Variants in SHROOM3 observed in about 807,000 individuals in gnomAD.
The protein encoded by SHROOM3 is shroom family member 3.
A neutral mutation model predicts 138.6 loss-of-function variants in SHROOM3; 47 were observed. The ratio of observed to expected loss-of-function variants is 0.34; its 90% CI spans 0.27 to 0.43. The LOEUF (loss-of-function observed/expected upper bound fraction) is 0.43. Ranked by LOEUF, SHROOM3 falls within the 20% of genes least tolerant of loss-of-function variation. The pLI, the probability that SHROOM3 is intolerant of heterozygous loss-of-function variation, is 1.00. For missense variants in SHROOM3, 2,491 were observed against 2,596.5 expected (o/e 0.96, Z 0.88); for synonymous variants, 1,062 against 1,063.3 (o/e 1.00, Z 0.02).
chr4:76,744,471 A>C (rs1275753542), intron 5 of SHROOM3, among the ~76,000 whole-genome samples: 1 of 152,204 alleles, frequency 6.6e-6, no homozygotes, highest in East Asian at 1.9e-4. Flanking sequence ...GAAGCATCTC[A>C]TGGCAAGGCG....
intron 9 of SHROOM3, among the ~76,000 whole-genome samples, chr4:76,764,727 T>C (rs768112636): frequency 1.3e-5 from 2 of 152,238 alleles, no homozygotes; most frequent in East Asian, 1.9e-4. Flanking sequence ...CCTTTAAATA[T>C]TGGCTCCTCC....
At chr4:76,581,798 A>G (rs1344971864) in intron 2 of SHROOM3, among the ~76,000 whole-genome samples, 1 of 152,184 alleles carries the variant, frequency 6.6e-6, no homozygotes, top group Non-Finnish European at 1.5e-5. Flanking sequence ...CCTGAAACCT[A>G]TATGTGGGAA....
At chr4:76,440,780 A>G (rs1730652681) in intron 1 of SHROOM3, among the ~76,000 whole-genome samples, 2 of 152,124 alleles carry the variant, frequency 1.3e-5, no homozygotes, top group African/African-American at 4.8e-5. Flanking sequence ...CAGTGCTTAT[A>G]TTTCTGATTT....
At chr4:76,726,793 AC>A (rs1285151646) in intron 3 of SHROOM3, among the ~76,000 whole-genome samples, 1 of 152,036 alleles carries the variant, frequency 6.6e-6, no homozygotes, top group Admixed American at 6.6e-5. Flanking sequence ...CCTATCTGGA[AC>A]CCCTGAAGTT....
rs377681016 is a variant in SHROOM3 at position 76,741,350 on chromosome 4, T to A, written c.3177T>A (p.Arg1059=). Residue 1059 remains arginine, a synonymous_variant, in exon 5 of 11, where the codon CGT becomes CGA. Coordinates refer to ENST00000296043, the MANE Select transcript of SHROOM3 (RefSeq NM_020859.4). This position sits in a 1 kb window ranked among gnomAD's most constrained non-coding sequence, Gnocchi z 6.2. ...AGAGCAGCGTGGCCGACCGGCGCCG[T>A]CTCTTCGAGCGCGATGGCAAGGCCT... ...FPESSVADRR[R]LFERDGKACS... is the part of the protein sequence containing the mutation. 1.2e-6 allele frequency: 2 copies of A among 1,609,504 alleles called. No homozygotes were observed. The highest frequency in any genetic ancestry group is 1.7e-6 in the Non-Finnish European group (2 of 1,178,718).
chr4:76,774,757 G>A (rs763060490), intron 10 of SHROOM3, among the ~76,000 whole-genome samples: 1 of 149,292 alleles, frequency 6.7e-6, no homozygotes, highest in Non-Finnish European at 1.5e-5. Context: ...TCTGCTTAGG[G>A]AAAGGAAACT....
At position 76,782,439 on chromosome 4, in the gene SHROOM3, A is replaced by T. The variant is rs1158968531; in HGVS notation, c.*3262A>T. The T allele has an allele frequency of 6.6e-6, 1 of 152,220 alleles. No homozygotes were observed. The highest frequency in any genetic ancestry group is 2.4e-5 in the African/African-American group (1 of 41,472). The allele number at this position is 152,220 out of a possible 1,614,324, so 9.4% of individuals were successfully genotyped here. A position where few individuals can be genotyped will look rare whatever the true frequency, so the allele number is the denominator to read the frequency against. On this transcript the variant is annotated 3_prime_UTR_variant, in exon 11 of 11. Transcript: ENST00000296043. The stretch of plus-strand genomic sequence containing the variant: ...GACATCCCAGTTTTCCTATTCCTCC[A>T]CTGTTAATATCTCATCTAAAATAAT...
intron 1 of SHROOM3, among the ~76,000 whole-genome samples, chr4:76,489,742 G>A (rs1731810358): frequency 6.6e-6 from 1 of 152,088 alleles, no homozygotes; most frequent in African/African-American, 2.4e-5. Flanking sequence ...TTTGTCAATA[G>A]AAAAAGACAA....
chr4:76,598,604 G>A (rs1387969781), intron 2 of SHROOM3, among the ~76,000 whole-genome samples: 3 of 152,200 alleles, frequency 2.0e-5, no homozygotes, highest in Non-Finnish European at 4.4e-5. Flanking sequence ...AGGTGGCCAG[G>A]AAGTGGGGAG....
rs747329567 is a variant in SHROOM3, at chr4:76,770,699, T to C, written c.5423T>C (p.Ile1808Thr). 2 of 1,614,008 alleles carry C rather than the reference T, an allele frequency of 1.2e-6. No individual in the cohort carries two copies. The highest frequency in any genetic ancestry group is 1.7e-6 in the Non-Finnish European group (2 of 1,180,040). Reference protein sequence around the residue: ...QEAKGSLLTDIKLNNALGEEV... With the variant: ...QEAKGSLLTDTKLNNALGEEV... ...GCGAAGGGGAGCCTGCTCACGGACA[T>C]CAAGCTCAACAACGCCCTGGGAGAA... The change falls in exon 10 of 11, where the codon ATC becomes ACC. Residue 1808 changes from isoleucine (I) to threonine (T), a missense_variant. Ile to Thr is a moderately conservative substitution (Grantham distance 89, BLOSUM62 -1). Transcript: ENST00000296043.
chr4:76,753,023 A>AT (rs1721681999), intron 6 of SHROOM3, among the ~76,000 whole-genome samples: 1 of 152,148 alleles, frequency 6.6e-6, no homozygotes, highest in African/African-American at 2.4e-5. Context: ...TTCAACAGAC[A>AT]TTTGCTGAGG....
chr4:76,530,740 C>T (rs1018370797), intron 1 of SHROOM3, among the ~76,000 whole-genome samples: 1 of 152,166 alleles, frequency 6.6e-6, no homozygotes, highest in Non-Finnish European at 1.5e-5. Flanking sequence ...CCTGTACAAG[C>T]TTCCATAAAT....
rs894904205 is a variant in SHROOM3, at chr4:76,705,857, A to T, written c.324-4299A>T. ...GTTAACTTGTGAGTTAAAAGGATATAGGAGGGAAGAAAGGCTGCAGATCTG... is the reference window on the plus strand; with the variant it reads ...GTTAACTTGTGAGTTAAAAGGATATTGGAGGGAAGAAAGGCTGCAGATCTG... On this transcript the variant is annotated intron_variant, in intron 2 of 10. Transcript: ENST00000296043. 6.6e-5 allele frequency among the ~76,000 whole-genome samples: 10 copies of T among 152,198 alleles called. 1 individual carries two copies. Among genetic ancestry groups the T allele is most frequent in the Admixed American group, 2.0e-4 (3 of 15,284 alleles).
At chr4:76,662,124 C>T (rs2110093623) in intron 2 of SHROOM3, among the ~76,000 whole-genome samples, 2 of 152,312 alleles carry the variant, frequency 1.3e-5, no homozygotes, top group Middle Eastern at 6.8e-3. Flanking sequence ...TCATTGGGTT[C>T]TCTACCTAAG....
rs1166896258 is a variant in SHROOM3, at chr4:76,565,160, CAAAA to C, written c.323+9416_323+9419del. On this transcript the variant is annotated intron_variant, in intron 2 of 10. Transcript: ENST00000296043. ...TGGGTGACAGGGCGAGACTCCATTTCAAAAAAAAAAAAAAAAAAAAAAGAATGGC... is the reference window on the plus strand; with the variant it reads ...TGGGTGACAGGGCGAGACTCCATTTCAAAAAAAAAAAAAAAAAAGAATGGC... Among the ~76,000 whole-genome samples the C allele has an allele frequency of 9.7e-3, 1,317 of 135,946 alleles. 26 individuals are homozygous for C. Among genetic ancestry groups the C allele is most frequent in the Non-Finnish European group, 0.014 (926 of 63,942 alleles). The allele number at this position is 135,946 out of a possible 152,430, so 89.2% of individuals were successfully genotyped here. A position where few individuals can be genotyped will look rare whatever the true frequency, so the allele number is the denominator to read the frequency against.
At chr4:76,578,159 A>G (rs895639458) in intron 2 of SHROOM3, among the ~76,000 whole-genome samples, 3 of 152,216 alleles carry the variant, frequency 2.0e-5, no homozygotes, top group Non-Finnish European at 4.4e-5. Context: ...TGGGGAGGCT[A>G]TGGAGTGCAA....
chr4:76,446,646 T>C (rs1191771725), intron 1 of SHROOM3, among the ~76,000 whole-genome samples: 2 of 152,138 alleles, frequency 1.3e-5, no homozygotes, highest in Admixed American at 1.3e-4. Context: ...GGTTTAAAGC[T>C]AACAGGGACT....
intron 2 of SHROOM3, among the ~76,000 whole-genome samples, chr4:76,707,600 G>A (rs747573764): frequency 7.2e-5 from 11 of 151,998 alleles, no homozygotes; most frequent in Admixed American, 2.0e-4. Flanking sequence ...ACTTGAGGTG[G>A]GTAAGAAAAT....
intron 2 of SHROOM3, among the ~76,000 whole-genome samples, chr4:76,596,829 C>T (rs944030644): frequency 6.6e-6 from 1 of 152,236 alleles, no homozygotes; most frequent in African/African-American, 2.4e-5. Flanking sequence ...CTGTCCCCTA[C>T]ATCTACTAGT....
Sources: allele counts gnomAD v4.1 joint callset (sites outside exome capture counted in the v4.1 genomes callset), GRCh38; gene constraint gnomAD v4.1.1; non-coding constraint Gnocchi (gnomAD v3.1); transcripts MANE v1.5; gene names NCBI Gene and HGNC (gene_info 2026-07-23, HGNC 2026-07-21).